The following KCNIP4 variants were observed in gnomAD, a reference collection of about 807,000 sequenced individuals.
KCNIP4 encodes Kv channel-interacting protein 4.
A neutral mutation model predicts 34.0 loss-of-function variants in KCNIP4; 12 were observed. The observed-to-expected ratio is 0.35, with a 90% CI of 0.23 to 0.57. The LOEUF (loss-of-function observed/expected upper bound fraction) is 0.57, where lower values mean the gene tolerates loss of function less well. Among genes scored for constraint, KCNIP4 ranks in the 20% least tolerant of loss-of-function variants. KCNIP4 has a pLI of 0.83. For synonymous variants in KCNIP4, 124 were observed against 102.2 expected, an observed-to-expected ratio of 1.21 and a Z score of -1.29; for missense variants, 238 against 311.7, an observed-to-expected ratio of 0.76 and a Z score of 1.78.
intron 1 of KCNIP4, among the ~76,000 whole-genome samples, chr4:20,906,632 C>T (rs1727799826): frequency 6.6e-6 from 1 of 152,158 alleles, no homozygotes; most frequent in South Asian, 2.1e-4. Flanking sequence ...CCTCAAATGT[C>T]CCTATCCTGG....
At chr4:21,768,324 A>C (rs1318252116) in intron 1 of KCNIP4, among the ~76,000 whole-genome samples, 2 of 152,064 alleles carry the variant, frequency 1.3e-5, no homozygotes, top group African/African-American at 2.4e-5. Context: ...CTCTCTAAAC[A>C]GTACCAGAAA....
At chr4:21,494,702 G>A (rs182145772) in intron 1 of KCNIP4, among the ~76,000 whole-genome samples, 260 of 151,730 alleles carry the variant, frequency 1.7e-3, no homozygotes, top group African/African-American at 5.9e-3. Context: ...GAACCTGGGA[G>A]GTGGAGGTTG....
At chr4:21,707,050 T>C (rs1475210035) in intron 1 of KCNIP4, among the ~76,000 whole-genome samples, 2 of 152,188 alleles carry the variant, frequency 1.3e-5, no homozygotes, top group Non-Finnish European at 2.9e-5. Flanking sequence ...ACTTTGGTTA[T>C]AGCTCTGTGA....
At chr4:20,975,768 T>G (rs748146845) in intron 1 of KCNIP4, among the ~76,000 whole-genome samples, 22 of 152,154 alleles carry the variant, frequency 1.4e-4, no homozygotes, top group Non-Finnish European at 2.4e-4. Flanking sequence ...CAAAATACAG[T>G]GGTAGGCCAA....
At chr4:21,840,717 T>A (rs564483039) in intron 1 of KCNIP4, among the ~76,000 whole-genome samples, 4 of 152,318 alleles carry the variant, frequency 2.6e-5, no homozygotes, top group African/African-American at 9.6e-5. Context: ...ATTTTAGTCT[T>A]GAACAGACTG....
intron 1 of KCNIP4, among the ~76,000 whole-genome samples, chr4:21,868,024 T>C (rs1725535975): frequency 6.6e-6 from 1 of 152,154 alleles, no homozygotes; most frequent in Non-Finnish European, 1.5e-5. Flanking sequence ...ATTCCTTATC[T>C]AGCCAAAAAT....
chr4:20,803,757 A>AAGGAAGGAAGGAAGGAAGGAAG (rs1560477351), intron 3 of KCNIP4, among the ~76,000 whole-genome samples: 54 of 124,546 alleles, frequency 4.3e-4, no homozygotes, highest in East Asian at 1.2e-3. Flanking sequence ...AAGGAAGGAA[A>AAGGAAGGAAGGAAGGAAGGAAG]GAAGGAAGGA....
At chr4:21,058,219 A>C (rs1033997717) in intron 1 of KCNIP4, among the ~76,000 whole-genome samples, 1 of 152,172 alleles carries the variant, frequency 6.6e-6, no homozygotes, top group African/African-American at 2.4e-5. Flanking sequence ...CAATGAGGAA[A>C]TATACCTTGG....
intron 1 of KCNIP4, chr4:21,847,621 TAATTA>T (rs1724102957): frequency 6.6e-6 from 1 of 152,004 alleles, no homozygotes; most frequent in Non-Finnish European, 1.5e-5. Context: ...TTATCTGTAA[TAATTA>T]AATTGTTTTT....
intron 1 of KCNIP4, among the ~76,000 whole-genome samples, chr4:21,581,247 C>A (rs1241127506): frequency 6.6e-6 from 1 of 151,890 alleles, no homozygotes; most frequent in Non-Finnish European, 1.5e-5. Context: ...CTGTTATTTT[C>A]AAGGGAATTG....
At chr4:21,181,543 G>A (rs1407238583) in intron 1 of KCNIP4, among the ~76,000 whole-genome samples, 1 of 152,008 alleles carries the variant, frequency 6.6e-6, no homozygotes, top group Non-Finnish European at 1.5e-5. Context: ...CAAACCATAT[G>A]TACTCATATG....
chr4:20,839,608 T>C (rs150757930), intron 3 of KCNIP4, among the ~76,000 whole-genome samples: 148 of 151,906 alleles, frequency 9.7e-4, no homozygotes, highest in African/African-American at 3.3e-3. Flanking sequence ...AAAGAACTTC[T>C]AGATTATACA....
In KCNIP4 at chr4:21,561,905, G is replaced by A. The variant is rs924177036; in HGVS notation, c.61+386666C>T. On this transcript the variant is annotated intron_variant, in intron 1 of 8. Transcript: ENST00000382152. Reference sequence around the variant, plus strand: ...ATTTATGAGAAGGACCCTGTGCCCTGGCTCAAAAGGTAAACGTATGACCCA... The same window carrying A: ...ATTTATGAGAAGGACCCTGTGCCCTAGCTCAAAAGGTAAACGTATGACCCA... Among the ~76,000 whole-genome samples the A allele has an allele frequency of 2.0e-5, 3 of 151,848 alleles. No homozygotes were observed. The East Asian group carries it at 5.8e-4, about 29-fold the overall frequency.
intron 1 of KCNIP4, among the ~76,000 whole-genome samples, chr4:21,451,525 C>T (rs529905240): frequency 1.6e-4 from 24 of 152,186 alleles, no homozygotes; most frequent in African/African-American, 5.5e-4. Flanking sequence ...ATGAAAAAAT[C>T]CCTATTTTTC....
chr4:21,303,712 C>A, intron 1 of KCNIP4: 1 of 936,820 alleles, frequency 1.1e-6, no homozygotes, highest in Non-Finnish European at 1.6e-6. Flanking sequence ...AGTAACATTT[C>A]TCTGATCTCA....
At chr4:21,426,234 CA>C (rs1560393794) in intron 1 of KCNIP4, among the ~76,000 whole-genome samples, 1 of 152,114 alleles carries the variant, frequency 6.6e-6, no homozygotes, top group African/African-American at 2.4e-5. Flanking sequence ...CCACCAAAAG[CA>C]AAGGCATAGA....
intron 1 of KCNIP4, among the ~76,000 whole-genome samples, chr4:21,112,591 T>A (rs1483341455): frequency 6.6e-6 from 1 of 152,170 alleles, no homozygotes; most frequent in Non-Finnish European, 1.5e-5. Flanking sequence ...GTCAATGCTG[T>A]GATTCTTGAT....
intron 1 of KCNIP4, among the ~76,000 whole-genome samples, chr4:21,706,106 T>C (rs113602402): frequency 0.029 from 4,419 of 152,268 alleles, 214 homozygotes; most frequent in African/African-American, 0.1. Flanking sequence ...AAAAATGTTC[T>C]TTTAATGATC....
chr4:21,178,673 A>C (rs1754616223), intron 1 of KCNIP4, among the ~76,000 whole-genome samples: 1 of 151,966 alleles, frequency 6.6e-6, no homozygotes, highest in South Asian at 2.1e-4. Context: ...AAAACTGCCT[A>C]TTCTAAGTGT....
Sources: gnomAD v4.1 joint callset for allele counts (sites outside exome capture counted in the v4.1 genomes callset) on GRCh38, gnomAD v4.1.1 for gene constraint, MANE v1.5 for transcripts, NCBI Gene and HGNC (gene_info 2026-07-23, HGNC 2026-07-21) for gene names.